The following PITPNM2 variants were observed in gnomAD, a reference collection of about 807,000 sequenced individuals.
The protein encoded by PITPNM2 is membrane-associated phosphatidylinositol transfer protein 2.
A neutral mutation model predicts 132.2 loss-of-function variants in PITPNM2; 35 were observed. That is an observed-to-expected ratio of 0.26 (90% CI 0.20 to 0.35). The LOEUF is 0.35. Ranked by LOEUF, PITPNM2 falls within the 10% of genes least tolerant of loss-of-function variation. PITPNM2 has a pLI of 1.00. For synonymous variants in PITPNM2, 738 were observed against 799.2 expected (o/e 0.92, Z 1.29); for missense variants, 1,332 against 1,912.0 (o/e 0.70, Z 5.66).
Position 122,996,861 on chromosome 12 carries a change from G to A in PITPNM2, c.1522C>T (p.His508Tyr), listed in dbSNP as rs1161938862. 1 of 1,595,248 alleles carries A rather than the reference G, an allele frequency of 6.3e-7. No homozygotes were observed. Among genetic ancestry groups the A allele is most frequent in the African/African-American group, 1.4e-5 (1 of 73,696 alleles). Residue 508 changes from histidine (H) to tyrosine (Y), a missense_variant, in exon 12 of 26, where the codon CAC becomes TAC. Coordinates refer to ENST00000320201, the MANE Select transcript of PITPNM2 (RefSeq NM_020845.3). The stretch of plus-strand genomic sequence containing the variant: ...AGGGGGAGGGCAGCCAGGGGAATGT[G>A]GTCCTGACTGCTGGACAGACAGCCT... ...DEGCLSSSQD[H>Y]IPLAALPLLA...
chr12:122,992,728 G>A lies in PITPNM2; in HGVS notation c.2234-59C>T. ...CTGGCCCTGAGGAGCAGTGGTGGGG[G>A]TGGGAAATTTGGGAACTGGGCACTG... On this transcript the variant is annotated intron_variant, in intron 15 of 25. Transcript: ENST00000320201. This position sits in a 1 kb window ranked among gnomAD's most constrained non-coding sequence, Gnocchi z 6.5. 1 of 1,380,716 alleles carries A rather than the reference G, an allele frequency of 7.2e-7. No individual in the cohort carries two copies. Among genetic ancestry groups the A allele is most frequent in the Non-Finnish European group, 9.8e-7 (1 of 1,019,834 alleles). The allele number at this position is 1,380,716 out of a possible 1,614,324, so 85.5% of individuals were successfully genotyped here.
chr12:123,019,362 G>A (rs997533922), intron 3 of PITPNM2, among the ~76,000 whole-genome samples: 1 of 152,196 alleles, frequency 6.6e-6, no homozygotes, highest in Admixed American at 6.5e-5. Context: ...AGACACTTAT[G>A]AATCATAAAC....
Position 123,127,702 on chromosome 12 carries a change from C to T in PITPNM2, c.-199-17214G>A, listed in dbSNP as rs538966676. On this transcript the variant is annotated intron_variant, in intron 1 of 25. Transcript: ENST00000320201. ...TCGGCTCACGGCAACCTCTGCCTCC[C>T]GGGTTCACGCCATTCTCCTGCCTCA... Among the ~76,000 whole-genome samples, 8 of 151,848 alleles carry T rather than the reference C, an allele frequency of 5.3e-5. No homozygotes were observed. In the South Asian group the frequency reaches 1.0e-3, roughly 20 times the overall value.
In PITPNM2 at chr12:122,989,872, G is replaced by T; in HGVS notation, c.2646C>A (p.Thr882=). 1 of 1,331,524 alleles carries T rather than the reference G, an allele frequency of 7.5e-7. No individual in the cohort carries two copies. Among genetic ancestry groups the T allele is most frequent in the Non-Finnish European group, 9.7e-7 (1 of 1,036,146 alleles). 82.5% of individuals were successfully genotyped at this position (1,331,524 alleles called of 1,614,324 possible). A position where few individuals can be genotyped will look rare whatever the true frequency, so the allele number is the denominator to read the frequency against. Residue 882 remains threonine, a synonymous_variant, in exon 18 of 26, where the codon ACC becomes ACA. Transcript: ENST00000320201. ...TGGCTGGAGGGTGGGGGCCAGGGGT[G>T]GTGGGGCTGGGGGCGGGCAGGGCGA... ...SLLALPAPSP[T]TPGPHPPARK... is the part of the protein sequence containing the mutation.
chr12:123,053,926 C>T (rs2040941160), intron 2 of PITPNM2, among the ~76,000 whole-genome samples: 1 of 152,074 alleles, frequency 6.6e-6, no homozygotes, highest in Non-Finnish European at 1.5e-5. Flanking sequence ...TCAGATTTGC[C>T]AGTTTTACTT....
chr12:122,988,970 T>C (rs73411009), intron 18 of PITPNM2, 98 bp from the exon 19 acceptor site: 1 of 1,295,750 alleles, frequency 7.7e-7, no homozygotes, highest in Non-Finnish European at 1.0e-6. Flanking sequence ...CCCAGCACAG[T>C]CCCCCCACCA....
At position 123,058,699 on chromosome 12, in the gene PITPNM2, T is replaced by C. The variant is rs1026722238; in HGVS notation, c.-95-24014A>G. Among the ~76,000 whole-genome samples, 8 of 152,148 alleles carry C rather than the reference T, an allele frequency of 5.3e-5. No individual in the cohort carries two copies. Among genetic ancestry groups the C allele is most frequent in the African/African-American group, 1.9e-4 (8 of 41,420 alleles). ...GGTAACTGTTGCCTGAGGCATTTGC[T>C]CAAGGCCCCAAGCGCTGTAGAAGCT... is the stretch of plus-strand genomic sequence containing the variant. On this transcript the variant is annotated intron_variant, in intron 2 of 25. Transcript: ENST00000320201. This position sits in a 1 kb window ranked among gnomAD's most constrained non-coding sequence, Gnocchi z 4.0.
chr12:123,025,096 T>G (rs1315742225), intron 3 of PITPNM2, among the ~76,000 whole-genome samples: 2 of 152,208 alleles, frequency 1.3e-5, no homozygotes, highest in Non-Finnish European at 2.9e-5. Context: ...TTTCTGCTTA[T>G]GCAGGAAACC....
intron 2 of PITPNM2, among the ~76,000 whole-genome samples, chr12:123,055,916 T>G (rs1265809302): frequency 6.6e-6 from 1 of 150,920 alleles, no homozygotes; most frequent in Non-Finnish European, 1.5e-5. Flanking sequence ...ACACACACAC[T>G]TGCAAGATGT....
At chr12:123,037,976 C>T (rs523682) in intron 2 of PITPNM2, among the ~76,000 whole-genome samples, 3,798 of 152,078 alleles carry the variant, frequency 0.025, 69 homozygotes, top group South Asian at 0.044. Context: ...TTTTTGCGTG[C>T]AGGCAGAGGG....
chr12:123,016,239 T>G, intron 3 of PITPNM2, among the ~76,000 whole-genome samples: 1 of 151,530 alleles, frequency 6.6e-6, no homozygotes, highest in East Asian at 2.0e-4. Flanking sequence ...GGTAGGAGAA[T>G]TGCTTGAACC....
chr12:123,036,219 A>C lies in PITPNM2; in HGVS notation c.-95-1534T>G, dbSNP rs2040262977. The stretch of plus-strand genomic sequence containing the variant: ...CATTACTGGGTAGCTAACAAGGTTG[A>C]GAAAAACATTTATCAGAACTCTCAG... On this transcript the variant is annotated intron_variant, in intron 2 of 25. Transcript: ENST00000320201. The surrounding 1 kb of genome is among the most constrained non-coding windows in gnomAD (Gnocchi z 4.1). Among the ~76,000 whole-genome samples, 1 of 152,208 alleles carries C rather than the reference A, an allele frequency of 6.6e-6. No individual in the cohort carries two copies. Among genetic ancestry groups the C allele is most frequent in the African/African-American group, 2.4e-5 (1 of 41,452 alleles).
In PITPNM2 at chr12:122,990,724, G is replaced by A. The variant is rs752147571; in HGVS notation, c.2405-15C>T. 2 of 1,591,532 alleles carry A rather than the reference G, an allele frequency of 1.3e-6. No homozygotes were observed. Among genetic ancestry groups the A allele is most frequent in the South Asian group, 2.3e-5 (2 of 87,230 alleles). ...GAGCACATCCGCTGCAGGTGGACAG[G>A]GACCAGAGGCCAGGTAAGAGAGGCC... On this transcript the variant is annotated splice_polypyrimidine_tract_variant and intron_variant, in intron 16 of 25. Transcript: ENST00000320201.
At chr12:123,063,798 C>G (rs2041325804) in intron 2 of PITPNM2, among the ~76,000 whole-genome samples, 1 of 152,150 alleles carries the variant, frequency 6.6e-6, no homozygotes, top group South Asian at 2.1e-4. Flanking sequence ...ACAGCTCCAC[C>G]CCTCACTTGG....
At chr12:123,070,947 G>A (rs1435242178) in intron 2 of PITPNM2, among the ~76,000 whole-genome samples, 2 of 152,260 alleles carry the variant, frequency 1.3e-5, no homozygotes, top group Non-Finnish European at 2.9e-5. Context: ...CAAACAGGGG[G>A]ATGCAGGGAA....
intron 2 of PITPNM2, among the ~76,000 whole-genome samples, chr12:123,100,226 A>C (rs1428559177): frequency 1.3e-5 from 2 of 152,258 alleles, no homozygotes; most frequent in Non-Finnish European, 2.9e-5. Context: ...CCTCTCTGGA[A>C]AACAGTCTGG....
In PITPNM2 at chr12:123,132,546, A is replaced by C. The variant is rs559906435; in HGVS notation, c.-200+18207T>G. The stretch of plus-strand genomic sequence containing the variant: ...CTTTTTTTTTTTTTACCATTTTGAC[A>C]ATTTATAAGTGTAAAATTTAGTGGC... On this transcript the variant is annotated intron_variant, in intron 1 of 25. Transcript: ENST00000320201. 2.0e-5 allele frequency among the ~76,000 whole-genome samples: 3 copies of C among 150,586 alleles called. No homozygotes were observed. The South Asian group carries it at 6.3e-4, about 31-fold the overall frequency.
In PITPNM2 at chr12:123,000,248, TGGA is replaced by T; in HGVS notation, c.1224+527_1224+529del. 1 of 598,580 alleles carries T rather than the reference TGGA, an allele frequency of 1.7e-6. No individual in the cohort carries two copies. Among genetic ancestry groups the T allele is most frequent in the Non-Finnish European group, 3.0e-6 (1 of 335,706 alleles). 37.1% of individuals were successfully genotyped at this position (598,580 alleles called of 1,614,324 possible). A position where few individuals can be genotyped will look rare whatever the true frequency, so the allele number is the denominator to read the frequency against. The stretch of plus-strand genomic sequence containing the variant: ...GCAAACAGCTCTGACGGCCCGCAGG[TGGA>T]GGAGGATGGGGCATGAACTCCCACA... On this transcript the variant is annotated intron_variant, in intron 10 of 25. Transcript: ENST00000320201. This position sits in a 1 kb window ranked among gnomAD's most constrained non-coding sequence, Gnocchi z 5.4.
intron 3 of PITPNM2, among the ~76,000 whole-genome samples, chr12:123,018,613 T>TA (rs2039541331): frequency 6.6e-6 from 1 of 151,824 alleles, no homozygotes; most frequent in African/African-American, 2.4e-5. Context: ...CTCAACTAAT[T>TA]AAAAAATTTT....
Sources: gnomAD v4.1 joint callset for allele counts (sites outside exome capture counted in the v4.1 genomes callset) on GRCh38, gnomAD v4.1.1 for gene constraint, Gnocchi (gnomAD v3.1) non-coding constraint, MANE v1.5 for transcripts, NCBI Gene and HGNC (gene_info 2026-07-23, HGNC 2026-07-21) for gene names.